The following SHE variants were observed in gnomAD, a reference collection of about 807,000 sequenced individuals.
The protein encoded by SHE is Src homology 2 domain containing E, also known as SH2 domain-containing adapter protein E.
A neutral mutation model predicts 49.8 loss-of-function variants in SHE; 11 were observed. The ratio of observed to expected loss-of-function variants is 0.22; its 90% CI spans 0.14 to 0.37. SHE has a LOEUF of 0.37. Among genes scored for constraint, SHE ranks in the 10% least tolerant of loss-of-function variants. The pLI, the probability that SHE is intolerant of heterozygous loss-of-function variation, is 1.00. For synonymous variants in SHE, 310 were observed against 278.1 expected (o/e 1.11, Z -1.14); for missense variants, 624 against 655.5 (o/e 0.95, Z 0.52).
intron 2 of SHE, among the ~76,000 whole-genome samples, chr1:154,498,112 GA>G (rs1692591976): frequency 6.6e-6 from 1 of 151,666 alleles, no homozygotes; most frequent in Non-Finnish European, 1.5e-5. Context: ...TTTTTTTTGA[GA>G]CGGAGTTCCA....
chr1:154,477,900 AAAAAAAAAAG>A (rs1264357564), downstream of SHE, among the ~76,000 whole-genome samples: 6 of 151,438 alleles, frequency 4.0e-5, no homozygotes, highest in African/African-American at 1.5e-4. Flanking sequence ...CAAAAAAAAA[AAAAAAAAAAG>A]AAAGAAAAGA....
downstream of SHE, among the ~76,000 whole-genome samples, chr1:154,477,283 A>G (rs746806905): frequency 1.3e-5 from 2 of 152,214 alleles, no homozygotes; most frequent in Non-Finnish European, 2.9e-5. Context: ...AGTCTGCTAG[A>G]TGCATTTCCA....
At chr1:154,495,864 A>C (rs1002656819) in intron 2 of SHE, among the ~76,000 whole-genome samples, 3 of 152,236 alleles carry the variant, frequency 2.0e-5, no homozygotes, top group Non-Finnish European at 4.4e-5. Context: ...AAGGCAATGC[A>C]AAGAATGGCA....
At chr1:154,488,859 A>T (rs143658581) in intron 3 of SHE, among the ~76,000 whole-genome samples, 192 bp downstream of exon 3, 6 of 152,352 alleles carry the variant, frequency 3.9e-5, no homozygotes, top group Middle Eastern at 3.4e-3. Flanking sequence ...GACTTGGATT[A>T]CAGGCGCAAG....
chr1:154,477,935 AC>A (rs775211522), downstream of SHE, among the ~76,000 whole-genome samples: 14 of 150,708 alleles, frequency 9.3e-5, no homozygotes, highest in Non-Finnish European at 1.8e-4. Flanking sequence ...AAAACTCTGC[AC>A]TCATTAAACA....
At position 154,489,217 on chromosome 1, in the gene SHE, C is replaced by A; in HGVS notation, c.858G>T (p.Pro286=). Residue 286 remains proline, a synonymous_variant, in exon 3 of 6, where the codon CCG becomes CCT. Transcript: ENST00000304760. ...RRSSKDLLGK[P]PQLYDTPYEP... ...CGTAGGGAGTGTCGTATAGCTGTGGCGGCTTCCCCAGGAGGTCCTTGGAAC... is the reference window on the plus strand; with the variant it reads ...CGTAGGGAGTGTCGTATAGCTGTGGAGGCTTCCCCAGGAGGTCCTTGGAAC... The A allele has an allele frequency of 6.2e-7, 1 of 1,614,182 alleles. No homozygotes were observed. Among genetic ancestry groups the A allele is most frequent in the South Asian group, 1.1e-5 (1 of 91,090 alleles).
rs565140533 is a variant in SHE at position 154,487,390 on chromosome 1, T to TA, written c.1025-708dup. Among the ~76,000 whole-genome samples the TA allele has an allele frequency of 4.0e-5, 6 of 151,544 alleles. No individual in the cohort carries two copies. The South Asian group carries it at 1.2e-3, about 31-fold the overall frequency. Reference sequence around the variant, plus strand: ...GTATCATCCTATAAAACCAAACCAATAGTTTTTAGTATGAAATAATAAAAC... The same window carrying TA: ...GTATCATCCTATAAAACCAAACCAATAAGTTTTTAGTATGAAATAATAAAAC... On this transcript the variant is annotated intron_variant, in intron 3 of 5. Coordinates refer to ENST00000304760, the MANE Select transcript of SHE (RefSeq NM_001010846.3).
intron 3 of SHE, among the ~76,000 whole-genome samples, chr1:154,487,010 A>C (rs563904861): frequency 6.6e-6 from 1 of 152,162 alleles, no homozygotes; most frequent in Non-Finnish European, 1.5e-5. Flanking sequence ...ACGGTGGCTC[A>C]TGCCTGTAAT....
chr1:154,495,648 C>T (rs1692505569), intron 2 of SHE, among the ~76,000 whole-genome samples: 1 of 152,058 alleles, frequency 6.6e-6, no homozygotes. Flanking sequence ...GTCTGTTTCC[C>T]CCTTAGGCTG....
chr1:154,498,839 T>G (rs1437927220), intron 2 of SHE, among the ~76,000 whole-genome samples: 1 of 152,266 alleles, frequency 6.6e-6, no homozygotes, highest in African/African-American at 2.4e-5. Context: ...CATCATATTC[T>G]GAGCAGATCT....
In SHE at chr1:154,484,130, G is replaced by T; in HGVS notation, c.*19C>A. The T allele has an allele frequency of 6.2e-7, 1 of 1,607,522 alleles. No individual in the cohort carries two copies. The highest frequency in any genetic ancestry group is 8.5e-7 in the Non-Finnish European group (1 of 1,175,268). The stretch of plus-strand genomic sequence containing the variant: ...GCCCTTGAAGGTGCCAGAGGCCCAG[G>T]GCTTGCAGTGGCTGAATCTTAGTGA... On this transcript the variant is annotated 3_prime_UTR_variant, in exon 6 of 6. Transcript: ENST00000304760.
chr1:154,490,846 G>A (rs542881951), intron 2 of SHE, among the ~76,000 whole-genome samples: 36 of 151,948 alleles, frequency 2.4e-4, no homozygotes, highest in African/African-American at 8.5e-4. Context: ...TTCACTGGAA[G>A]GTAACTCTAA....
chr1:154,491,506 C>T (rs557613205), intron 2 of SHE, among the ~76,000 whole-genome samples: 1 of 152,298 alleles, frequency 6.6e-6, no homozygotes, highest in African/African-American at 2.4e-5. Context: ...TCTCTGATAC[C>T]CCACAAAGTT....
chr1:154,483,858 AGTG>A lies in SHE; in HGVS notation c.*288_*290del. ...AATACAAAAAAAAAAATTAGCTGGGAGTGGTGGTGCGAACCTATAGTCCCACCT... is the reference window on the plus strand; with the variant it reads ...AATACAAAAAAAAAAATTAGCTGGGAGTGGTGCGAACCTATAGTCCCACCT... On this transcript the variant is annotated 3_prime_UTR_variant, in exon 6 of 6. Coordinates refer to ENST00000304760, the MANE Select transcript of SHE (RefSeq NM_001010846.3). 2 of 891,686 alleles carry A rather than the reference AGTG, an allele frequency of 2.2e-6. No individual in the cohort carries two copies. Among genetic ancestry groups the A allele is most frequent in the Non-Finnish European group, 2.9e-6 (2 of 701,218 alleles). 55.2% of individuals were successfully genotyped at this position (891,686 alleles called of 1,614,324 possible). A position where few individuals can be genotyped will look rare whatever the true frequency, so the allele number is the denominator to read the frequency against.
rs1692094677 is a variant in SHE at position 154,484,023 on chromosome 1, T to C, written c.*126A>G. 3 of 1,447,826 alleles carry C rather than the reference T, an allele frequency of 2.1e-6. No individual in the cohort carries two copies. The highest frequency in any genetic ancestry group is 1.4e-5 in the African/African-American group (1 of 70,082). 89.7% of individuals were successfully genotyped at this position (1,447,826 alleles called of 1,614,324 possible). A position where few individuals can be genotyped will look rare whatever the true frequency, so the allele number is the denominator to read the frequency against. On this transcript the variant is annotated 3_prime_UTR_variant, in exon 6 of 6. Coordinates refer to ENST00000304760, the MANE Select transcript of SHE (RefSeq NM_001010846.3). ...AAACAAAACAAAACAAATCACTCTC[T>C]GACTTTTCAAGGAAGACTCCCATTT...
chr1:154,471,697 C>G lies in SHE; in HGVS notation c.103-1335G>C, dbSNP rs1007684683. ...TTTTCAGTACTCTCTCTCTCTCTCT[C>G]TCTCTCTCTGTGTGTGTGTGTAAGC... On this transcript the variant is annotated intron_variant, in intron 1 of 1. Transcript: ENST00000486773. Among the ~76,000 whole-genome samples, 133 of 133,184 alleles carry G rather than the reference C, an allele frequency of 1.0e-3. 1 individual carries two copies. In the South Asian group the frequency reaches 0.016, roughly 16 times the overall value. The allele number at this position is 133,184 out of a possible 152,430, so 87.4% of individuals were successfully genotyped here.
chr1:154,483,028 G>A lies in SHE; in HGVS notation c.*1121C>T. On this transcript the variant is annotated 3_prime_UTR_variant, in exon 6 of 6. Coordinates refer to ENST00000304760, the MANE Select transcript of SHE (RefSeq NM_001010846.3). The stretch of plus-strand genomic sequence containing the variant: ...ATCGAAGTTCTATGTAATTAATTCA[G>A]TAAAAAAACAGTTGTGGAGCTTTGC... 8.1e-6 allele frequency: 8 copies of A among 984,618 alleles called. No individual in the cohort carries two copies. Among genetic ancestry groups the A allele is most frequent in the Non-Finnish European group, 9.6e-6 (8 of 829,314 alleles). The allele number at this position is 984,618 out of a possible 1,614,324, so 61.0% of individuals were successfully genotyped here. A position where few individuals can be genotyped will look rare whatever the true frequency, so the allele number is the denominator to read the frequency against.
intron 1 of SHE, among the ~76,000 whole-genome samples, chr1:154,471,284 C>T (rs1691737896): frequency 6.6e-6 from 1 of 152,138 alleles, no homozygotes; most frequent in Non-Finnish European, 1.5e-5. Context: ...CTTTGAGATG[C>T]TGAGGTGGGA....
At chr1:154,491,794 G>A (rs1189787628) in intron 2 of SHE, among the ~76,000 whole-genome samples, 1 of 152,172 alleles carries the variant, frequency 6.6e-6, no homozygotes, top group Non-Finnish European at 1.5e-5. Context: ...ATGGATCGTT[G>A]TGAATACTGT....
Sources: allele counts gnomAD v4.1 joint callset (sites outside exome capture counted in the v4.1 genomes callset), GRCh38; gene constraint gnomAD v4.1.1; transcripts MANE v1.5; gene names NCBI Gene and HGNC (gene_info 2026-07-23, HGNC 2026-07-21).